The following CEP250 variants were observed in gnomAD, a reference collection of about 807,000 sequenced individuals.
CEP250 encodes centrosome-associated protein CEP250.
Under a neutral mutation model 315.7 loss-of-function variants are expected in CEP250, and 242 were observed. That is an observed-to-expected ratio of 0.77 (90% CI 0.69 to 0.85). The LOEUF (loss-of-function observed/expected upper bound fraction) is 0.85, where lower values mean the gene tolerates loss of function less well. Ranked by LOEUF, CEP250 falls within the 40% of genes least tolerant of loss-of-function variation. The probability of loss-of-function intolerance (pLI) is 0.00; values close to 1 mark genes in which losing one functional copy is unlikely to be tolerated. For missense variants in CEP250, 2,515 were observed against 2,886.4 expected (o/e 0.87, Z 2.95); for synonymous variants, 1,088 against 1,175.0 (o/e 0.93, Z 1.51).
chr20:35,503,494 C>T lies in CEP250; in HGVS notation c.5125C>T (p.Arg1709Trp), dbSNP rs557321271. 4.1e-5 allele frequency: 66 copies of T among 1,614,048 alleles called. No individual in the cohort carries two copies. The highest frequency in any genetic ancestry group is 2.4e-4 in the African/African-American group (18 of 75,016). The change falls in exon 30 of 35, where the codon CGG (arginine) becomes TGG (tryptophan). Residue 1709 changes from arginine (R) to tryptophan (W), a missense_variant. Coordinates refer to ENST00000397527, the MANE Select transcript of CEP250 (RefSeq NM_007186.6). This position sits in a 1 kb window ranked among gnomAD's most constrained non-coding sequence, Gnocchi z 4.2. ...LTTQRQLMQERAEEGKGPSKA... is the reference protein window; with the variant it reads ...LTTQRQLMQEWAEEGKGPSKA... ...CACTCAGAGGCAGCTGATGCAGGAACGGGCAGAGGAAGGGAAGGGCCCAAG... is the reference window on the plus strand; with the variant it reads ...CACTCAGAGGCAGCTGATGCAGGAATGGGCAGAGGAAGGGAAGGGCCCAAG...
intron 26 of CEP250, among the ~76,000 whole-genome samples, chr20:35,498,332 G>A (rs1484917771): frequency 1.3e-5 from 2 of 152,222 alleles, no homozygotes; most frequent in South Asian, 2.1e-4. Flanking sequence ...TCACCAAGGA[G>A]TTATGAGGTT....
rs777391110 is a variant in CEP250, at chr20:35,504,319, C to T, written c.5950C>T (p.Leu1984Phe). ...HAALQGKEQH[L>F]LEQAELSRSL... ...TGCCCTGCAGGGGAAAGAGCAGCAT[C>T]TCCTCGAGCAGGCAGAATTGAGCCG... is the stretch of plus-strand genomic sequence containing the variant. The change falls in exon 30 of 35, where the codon CTC becomes TTC. Residue 1984 changes from leucine (L) to phenylalanine (F), a missense_variant. Coordinates refer to ENST00000397527, the MANE Select transcript of CEP250 (RefSeq NM_007186.6). 3 of 1,589,834 alleles carry T rather than the reference C, an allele frequency of 1.9e-6. No homozygotes were observed. Among genetic ancestry groups the T allele is most frequent in the Non-Finnish European group, 1.7e-6 (2 of 1,168,370 alleles).
chr20:35,485,847 A>T, intron 20 of CEP250, among the ~76,000 whole-genome samples: 1 of 133,704 alleles, frequency 7.5e-6, no homozygotes, highest in Non-Finnish European at 1.6e-5. Flanking sequence ...TTTTTTATAG[A>T]GATGGGGTTT....
chr20:35,497,888 C>G lies in CEP250; in HGVS notation c.3476C>G (p.Thr1159Arg), dbSNP rs1460407225. The change falls in exon 26 of 35, where the codon ACA becomes AGA. Residue 1159 changes from threonine (T) to arginine (R), a missense_variant. By Grantham distance (71) the Thr-to-Arg change is moderately conservative. Coordinates refer to ENST00000397527, the MANE Select transcript of CEP250 (RefSeq NM_007186.6). Reference protein sequence around the residue: ...AAQLQLRLRSTESQLEALAAE... With the variant: ...AAQLQLRLRSRESQLEALAAE... ...CAACTACAGCTGCGACTGCGCAGCA[C>G]AGAGAGCCAGCTAGAAGCGCTGGCC... The G allele has an allele frequency of 2.5e-6, 4 of 1,605,754 alleles. No homozygotes were observed. The highest frequency in any genetic ancestry group is 1.3e-5 in the African/African-American group (1 of 74,942).
rs991205115 is a variant in CEP250 at position 35,516,992 on chromosome 20, A to C, written c.*5366A>C. On this transcript the variant is annotated 3_prime_UTR_variant, in exon 35 of 35. Coordinates refer to ENST00000397527, the MANE Select transcript of CEP250 (RefSeq NM_007186.6). ...ATTCTTGTCCCACAGGGCAGAGCACATGGCAAGTGGCATGCTGACTCAGAC... is the reference window on the plus strand; with the variant it reads ...ATTCTTGTCCCACAGGGCAGAGCACCTGGCAAGTGGCATGCTGACTCAGAC... The C allele has an allele frequency of 1.0e-6, 1 of 985,568 alleles. No homozygotes were observed. The highest frequency in any genetic ancestry group is 1.1e-4 in the East Asian group (1 of 8,822). The allele number at this position is 985,568 out of a possible 1,614,324, so 61.1% of individuals were successfully genotyped here. A position where few individuals can be genotyped will look rare whatever the true frequency, so the allele number is the denominator to read the frequency against.
In CEP250 at chr20:35,496,665, C is replaced by A. The variant is rs143143244; in HGVS notation, c.3256C>A (p.Arg1086Ser). 3 of 1,613,934 alleles carry A rather than the reference C, an allele frequency of 1.9e-6. No homozygotes were observed. The highest frequency in any genetic ancestry group is 2.5e-6 in the Non-Finnish European group (3 of 1,179,980). ...SIRQQELSAL[R>S]QDMQEAQGEQ... is the part of the protein sequence containing the mutation. ...TCGACAACAAGAGCTGAGTGCCCTG[C>A]GCCAGGACATGCAGGAGGCCCAGGG... Residue 1086 changes from arginine to serine, a missense_variant, in exon 25 of 35, where the codon CGC becomes AGC. Physicochemically the swap from Arg to Ser is moderately radical, Grantham distance 110. Transcript: ENST00000397527.
Position 35,491,355 on chromosome 20 carries a change from G to A in CEP250, c.2889+9G>A. On this transcript the variant is annotated intron_variant, in intron 22 of 34. Transcript: ENST00000397527. ...AGAAATTAAAGGAGCAGGTATGGAG[G>A]GTGGTCTCGGGAGTAGGGGAGAAAG... 8.2e-6 allele frequency: 13 copies of A among 1,579,232 alleles called. No individual in the cohort carries two copies. The highest frequency in any genetic ancestry group is 1.1e-5 in the Non-Finnish European group (13 of 1,162,372).
At chr20:35,509,078 A>G (rs1048975335) in intron 33 of CEP250, 34 bp downstream of exon 33, 9 of 1,521,012 alleles carry the variant, frequency 5.9e-6, no homozygotes, top group African/African-American at 2.8e-5. Flanking sequence ...AGCCTTAGAG[A>G]GCCCAACCCC....
intron 26 of CEP250, 52 bp from the exon 27 acceptor site, chr20:35,498,542 CT>C: frequency 6.3e-7 from 1 of 1,595,986 alleles, no homozygotes; most frequent in Non-Finnish European, 8.5e-7. Flanking sequence ...AGAGGTCTGG[CT>C]GTTTCTTTTC....
chr20:35,483,283 A>G (rs944438003), intron 20 of CEP250, among the ~76,000 whole-genome samples: 31 of 151,546 alleles, frequency 2.0e-4, no homozygotes, highest in Non-Finnish European at 1.5e-5. Context: ...TCGCGCCATT[A>G]CACTCCAGCC....
chr20:35,466,152 G>A lies in CEP250; in HGVS notation c.440G>A (p.Arg147Gln), dbSNP rs772076350. The change falls in exon 7 of 35, where the codon CGG (arginine) becomes CAG (glutamine). Residue 147 changes from arginine (R) to glutamine (Q), a missense_variant. By Grantham distance (43) the Arg-to-Gln change is conservative. Coordinates refer to ENST00000397527, the MANE Select transcript of CEP250 (RefSeq NM_007186.6). ...GAAAAACTGACAGTGGACTGGAGCC[G>A]GGCCCGGGATGAGCTAATGAGGAAG... ...DVEKLTVDWS[R>Q]ARDELMRKES... The A allele has an allele frequency of 8.1e-6, 13 of 1,612,052 alleles. No homozygotes were observed. Among genetic ancestry groups the A allele is most frequent in the East Asian group, 2.2e-5 (1 of 44,832 alleles).
chr20:35,517,957 C>T lies in CEP250; in HGVS notation c.*6331C>T, dbSNP rs538375615. ...ACTCGGGAGGCTGAGGTGGGAGGAT[C>T]ACCTGAGCCCAGGGAGGTCAAGGTT... On this transcript the variant is annotated 3_prime_UTR_variant, in exon 35 of 35. Transcript: ENST00000397527. The T allele has an allele frequency of 1.3e-5, 2 of 150,672 alleles. No homozygotes were observed. Among genetic ancestry groups the T allele is most frequent in the African/African-American group, 4.9e-5 (2 of 40,948 alleles). 9.3% of individuals were successfully genotyped at this position (150,672 alleles called of 1,614,324 possible).
At chr20:35,499,686 A>G (rs536539890) in intron 27 of CEP250, among the ~76,000 whole-genome samples, 1 of 152,322 alleles carries the variant, frequency 6.6e-6, no homozygotes, top group Admixed American at 6.5e-5. Context: ...GGAGGGGGCA[A>G]TTCATCCTGA....
chr20:35,489,413 G>C (rs79148060), intron 20 of CEP250, among the ~76,000 whole-genome samples: 2 of 152,202 alleles, frequency 1.3e-5, no homozygotes, highest in African/African-American at 2.4e-5. Context: ...GTTGTGTATT[G>C]CCCGCTTTCT....
Position 35,502,437 on chromosome 20 carries a change from G to C in CEP250, c.4068G>C (p.Gln1356His), listed in dbSNP as rs145316023. 1.9e-5 allele frequency: 30 copies of C among 1,614,000 alleles called. No homozygotes were observed. Among genetic ancestry groups the C allele is most frequent in the African/African-American group, 6.7e-5 (5 of 74,946 alleles). ...LQAAKENLTA[Q>H]VEHLQAAVVE... ...CAGCCAAGGAGAACCTGACAGCCCA[G>C]GTGGAACACCTGCAAGCAGCTGTCG... Residue 1356 changes from glutamine to histidine, a missense_variant, in exon 30 of 35, where the codon CAG becomes CAC. Gln to His is a conservative substitution (Grantham distance 24, BLOSUM62 0). Coordinates refer to ENST00000397527, the MANE Select transcript of CEP250 (RefSeq NM_007186.6).
chr20:35,461,943 G>A (rs377412364), intron 3 of CEP250, among the ~76,000 whole-genome samples: 1 of 152,232 alleles, frequency 6.6e-6, no homozygotes, highest in South Asian at 2.1e-4. Flanking sequence ...TGTATGTATT[G>A]TAATAGTTTG....
At chr20:35,506,102 G>C (rs2064179081) in intron 30 of CEP250, among the ~76,000 whole-genome samples, 1 of 152,128 alleles carries the variant, frequency 6.6e-6, no homozygotes, top group East Asian at 1.9e-4. Context: ...GAGGTGGGAG[G>C]AATAAAGAGA....
chr20:35,494,997 CAG>C (rs1449672506), intron 24 of CEP250, among the ~76,000 whole-genome samples: 1 of 151,904 alleles, frequency 6.6e-6, no homozygotes, highest in Non-Finnish European at 1.5e-5. Context: ...ATGGAGGAAA[CAG>C]GGTGAGAGAG....
At chr20:35,459,591 C>T (rs891298352) in intron 2 of CEP250, among the ~76,000 whole-genome samples, 1 of 150,062 alleles carries the variant, frequency 6.7e-6, no homozygotes, top group Non-Finnish European at 1.5e-5. Flanking sequence ...TCGAGACAAG[C>T]TTAGGCAACA....
Sources: gnomAD v4.1 joint callset for allele counts (sites outside exome capture counted in the v4.1 genomes callset) on GRCh38, gnomAD v4.1.1 for gene constraint, Gnocchi (gnomAD v3.1) non-coding constraint, MANE v1.5 for transcripts, NCBI Gene and HGNC (gene_info 2026-07-23, HGNC 2026-07-21) for gene names.